NGF: variants seen among roughly 807,000 people sequenced by gnomAD.
NGF encodes beta-nerve growth factor.
A neutral mutation model predicts 12.8 loss-of-function variants in NGF; 4 were observed. The observed-to-expected ratio is 0.31, with a 90% CI of 0.15 to 0.72. NGF has a LOEUF of 0.72. Ranked by LOEUF, NGF falls within the 30% of genes least tolerant of loss-of-function variation. The pLI is 0.69. For missense variants in NGF, 283 were observed against 330.8 expected, an observed-to-expected ratio of 0.86 and a Z score of 1.12; for synonymous variants, 140 against 130.0, an observed-to-expected ratio of 1.08 and a Z score of -0.52.
intron 1 of NGF, among the ~76,000 whole-genome samples, chr1:115,311,711 T>C (rs1359770645): frequency 6.6e-6 from 1 of 152,154 alleles, no homozygotes; most frequent in Non-Finnish European, 1.5e-5. Context: ...ACTTACAAAA[T>C]TAAGTTTCTG....
At chr1:115,301,784 A>T (rs540522206) in intron 1 of NGF, among the ~76,000 whole-genome samples, 7 of 152,332 alleles carry the variant, frequency 4.6e-5, no homozygotes, top group African/African-American at 1.7e-4. Flanking sequence ...TCGCAGTCAG[A>T]GGGAGGAAGC....
intron 1 of NGF, among the ~76,000 whole-genome samples, chr1:115,299,011 T>C (rs1653955693): frequency 6.6e-6 from 1 of 152,198 alleles, no homozygotes; most frequent in Admixed American, 6.5e-5. Flanking sequence ...GGAAAAGGAA[T>C]TTGAAATCTT....
intron 1 of NGF, among the ~76,000 whole-genome samples, chr1:115,318,334 C>T (rs1424083629): frequency 2.0e-5 from 3 of 152,162 alleles, no homozygotes; most frequent in Non-Finnish European, 2.9e-5. Flanking sequence ...GACAGTGCTT[C>T]CCCTCCAGGC....
chr1:115,325,398 T>C (rs1326156929), intron 1 of NGF, among the ~76,000 whole-genome samples: 1 of 151,904 alleles, frequency 6.6e-6, no homozygotes, highest in Non-Finnish European at 1.5e-5. Context: ...GCATGTTGTT[T>C]TGCTGTGCAT....
At chr1:115,294,162 C>CA (rs1653792154) in intron 1 of NGF, among the ~76,000 whole-genome samples, 1 of 152,308 alleles carries the variant, frequency 6.6e-6, no homozygotes, top group Admixed American at 6.5e-5. Context: ...TATACAGACG[C>CA]AAAATCCCTG....
In NGF at chr1:115,286,484, G is replaced by A. The variant is rs1653507283; in HGVS notation, c.312C>T (p.Asp104=). Residue 104 remains aspartate (D), a synonymous_variant, in exon 3 of 3, where the codon GAC becomes GAT. Transcript: ENST00000369512. Reference sequence around the variant, plus strand: ...AGGGGGCAGCACCACCGACCTCGAAGTCCAGATCCTGAGTGTCTGCAGCTT... The same window carrying A: ...AGGGGGCAGCACCACCGACCTCGAAATCCAGATCCTGAGTGTCTGCAGCTT... ...PREAADTQDL[D]FEVGGAAPFN... 1.2e-6 allele frequency: 2 copies of A among 1,613,996 alleles called. No individual in the cohort carries two copies. The highest frequency in any genetic ancestry group is 1.7e-5 in the Admixed American group (1 of 60,006).
At chr1:115,337,216 A>G (rs1479193113) in intron 1 of NGF, among the ~76,000 whole-genome samples, 2 of 149,132 alleles carry the variant, frequency 1.3e-5, no homozygotes, top group African/African-American at 2.5e-5. Context: ...AAAAAGTTCA[A>G]GCACGAAACA....
rs117959730 is a variant in NGF at position 115,293,967 on chromosome 1, G to A, written c.-136-217C>T. ...GGTGGCACCTGCCTCTCACTCTTGC[G>A]CCATACCTTTTGGTTTCAGCCTGGA... On this transcript the variant is annotated intron_variant, in intron 1 of 2. Coordinates refer to ENST00000369512, the MANE Select transcript of NGF (RefSeq NM_002506.3). Among the ~76,000 whole-genome samples the A allele has an allele frequency of 4.7e-4, 72 of 152,280 alleles. 1 individual carries two copies. The East Asian group carries it at 5.6e-3, about 12-fold the overall frequency.
intron 1 of NGF, among the ~76,000 whole-genome samples, chr1:115,318,342 G>C (rs537739073): frequency 6.6e-6 from 1 of 152,178 alleles, no homozygotes; most frequent in East Asian, 1.9e-4. Flanking sequence ...TTCCCCTCCA[G>C]GCTTTCTCAC....
intron 2 of NGF, among the ~76,000 whole-genome samples, chr1:115,287,365 C>T (rs6327): frequency 0.35 from 53,933 of 151,934 alleles, 10,862 homozygotes; most frequent in Non-Finnish European, 0.45. Context: ...TCTGGTGACT[C>T]GGAGCCCTTG....
chr1:115,322,509 G>A (rs1654657022), intron 1 of NGF, among the ~76,000 whole-genome samples: 1 of 152,080 alleles, frequency 6.6e-6, no homozygotes, highest in Admixed American at 6.6e-5. Flanking sequence ...CTTTAGGGTG[G>A]GGGCTGCACT....
chr1:115,303,776 T>G (rs1021749771), intron 1 of NGF, among the ~76,000 whole-genome samples: 1 of 152,180 alleles, frequency 6.6e-6, no homozygotes, highest in Admixed American at 6.5e-5. Flanking sequence ...GTTTGACCAA[T>G]GTTCTCCAAG....
chr1:115,321,081 C>A (rs911796201), intron 1 of NGF, among the ~76,000 whole-genome samples: 3 of 152,220 alleles, frequency 2.0e-5, no homozygotes, highest in Non-Finnish European at 4.4e-5. Context: ...TTCCAGGAAG[C>A]CTGCTCTGCC....
chr1:115,317,685 G>A (rs1654508118), intron 1 of NGF, among the ~76,000 whole-genome samples: 1 of 152,076 alleles, frequency 6.6e-6, no homozygotes, highest in East Asian at 1.9e-4. Flanking sequence ...AGAAGTTGCG[G>A]CCAAGCTACA....
At chr1:115,324,249 T>C (rs996661725) in intron 1 of NGF, among the ~76,000 whole-genome samples, 3 of 152,168 alleles carry the variant, frequency 2.0e-5, no homozygotes, top group Non-Finnish European at 4.4e-5. Flanking sequence ...TGGAACTAAC[T>C]GTGTGTGTCA....
intron 1 of NGF, among the ~76,000 whole-genome samples, chr1:115,333,535 G>A (rs1303802798): frequency 6.9e-6 from 1 of 144,270 alleles, no homozygotes; most frequent in Non-Finnish European, 1.5e-5. Context: ...CTTCCCGCAC[G>A]TGAATGCGTT....
chr1:115,330,282 A>G (rs1277825041), intron 1 of NGF, among the ~76,000 whole-genome samples: 1 of 152,208 alleles, frequency 6.6e-6, no homozygotes, highest in Admixed American at 6.5e-5. Context: ...TCAGTCCAGG[A>G]AACCATCCAG....
chr1:115,332,245 G>T (rs949241886), intron 1 of NGF, among the ~76,000 whole-genome samples: 5 of 152,218 alleles, frequency 3.3e-5, no homozygotes, highest in Admixed American at 1.3e-4. Flanking sequence ...AGTCTGAGGA[G>T]AAGTTTGCCT....
intron 1 of NGF, among the ~76,000 whole-genome samples, chr1:115,310,810 C>A (rs1323087331): frequency 6.6e-6 from 1 of 150,666 alleles, no homozygotes; most frequent in Admixed American, 6.6e-5. Context: ...GGAAAGAATC[C>A]AGCAAGCATA....
Sources: allele counts gnomAD v4.1 joint callset (sites outside exome capture counted in the v4.1 genomes callset), GRCh38; gene constraint gnomAD v4.1.1; transcripts MANE v1.5; gene names NCBI Gene and HGNC (gene_info 2026-07-23, HGNC 2026-07-21).